Variants in ZDHHC17 observed in about 807,000 individuals in gnomAD.
The protein encoded by ZDHHC17 is zDHHC palmitoyltransferase 17, also known as palmitoyltransferase ZDHHC17.
Under a neutral mutation model 90.3 loss-of-function variants are expected in ZDHHC17, and 40 were observed. That is an observed-to-expected ratio of 0.44 (90% CI 0.34 to 0.58). ZDHHC17 has a LOEUF of 0.58. Among genes scored for constraint, ZDHHC17 ranks in the 20% least tolerant of loss-of-function variants. ZDHHC17 has a pLI of 0.01. For missense variants in ZDHHC17, 614 were observed against 780.8 expected, an observed-to-expected ratio of 0.79 and a Z score of 2.55; for synonymous variants, 235 against 252.4, an observed-to-expected ratio of 0.93 and a Z score of 0.65.
chr12:76,773,356 T>C (rs923299410), intron 1 of ZDHHC17, among the ~76,000 whole-genome samples: 2 of 152,226 alleles, frequency 1.3e-5, no homozygotes, highest in Non-Finnish European at 2.9e-5. Flanking sequence ...CCTTTTGGAT[T>C]GGCTTCTTTG....
intron 12 of ZDHHC17, chr12:76,844,523 G>A (rs181000349): frequency 6.6e-6 from 1 of 152,236 alleles, no homozygotes; most frequent in Admixed American, 6.5e-5. Context: ...AAGGAACCTT[G>A]AGACCAAGTC....
intron 7 of ZDHHC17, among the ~76,000 whole-genome samples, chr12:76,816,569 A>G (rs1953089862): frequency 6.6e-6 from 1 of 151,994 alleles, no homozygotes; most frequent in South Asian, 2.1e-4. Flanking sequence ...GCTATAATTT[A>G]TAGTATTTTC....
intron 1 of ZDHHC17, among the ~76,000 whole-genome samples, chr12:76,787,963 C>T (rs1375185364): frequency 6.6e-6 from 1 of 152,166 alleles, no homozygotes; most frequent in Non-Finnish European, 1.5e-5. Flanking sequence ...GTACTACCAA[C>T]TACTCAGGAG....
At chr12:76,830,356 A>T (rs1953285047) in intron 10 of ZDHHC17, among the ~76,000 whole-genome samples, 1 of 152,110 alleles carries the variant, frequency 6.6e-6, no homozygotes, top group Non-Finnish European at 1.5e-5. Flanking sequence ...TATTTTTGAG[A>T]CCTAAGGCAC....
chr12:76,837,410 C>G lies in ZDHHC17; in HGVS notation c.1142-4572C>G, dbSNP rs1292209456. On this transcript the variant is annotated intron_variant, in intron 10 of 16. Coordinates refer to ENST00000426126, the MANE Select transcript of ZDHHC17 (RefSeq NM_015336.4). ...CTCAGGAGGTTGAGGCAGTAGGACC[C>G]TTTGAGCCTAGGAGTTCAAGACTGC... Among the ~76,000 whole-genome samples the G allele has an allele frequency of 2.6e-5, 4 of 152,246 alleles. No individual in the cohort carries two copies. In the South Asian group the frequency reaches 8.3e-4, roughly 32 times the overall value.
chr12:76,809,567 T>C (rs923699707), intron 4 of ZDHHC17, 146 bp from the exon 5 acceptor site: 3 of 591,704 alleles, frequency 5.1e-6, no homozygotes, highest in East Asian at 3.4e-5. Flanking sequence ...AAATCCTAAA[T>C]GTATTTTGAC....
intron 2 of ZDHHC17, among the ~76,000 whole-genome samples, chr12:76,799,209 G>A (rs1952858544): frequency 6.6e-6 from 1 of 152,132 alleles, no homozygotes; most frequent in Non-Finnish European, 1.5e-5. Flanking sequence ...TATTTCCTTA[G>A]GATGTGTATT....
intron 8 of ZDHHC17, among the ~76,000 whole-genome samples, chr12:76,825,739 TGTGTA>T (rs1953222902): frequency 6.6e-6 from 1 of 152,120 alleles, no homozygotes; most frequent in Admixed American, 6.5e-5. Flanking sequence ...GTGCTAAAAA[TGTGTA>T]ATATAACCTT....
intron 2 of ZDHHC17, among the ~76,000 whole-genome samples, chr12:76,800,760 T>C (rs540885017): frequency 6.6e-6 from 1 of 152,288 alleles, no homozygotes; most frequent in Admixed American, 6.5e-5. Flanking sequence ...CTGTTGTAGA[T>C]AGCGTATAGT....
intron 9 of ZDHHC17, among the ~76,000 whole-genome samples, chr12:76,828,053 A>C (rs1416096946): frequency 1.3e-5 from 2 of 152,148 alleles, no homozygotes; most frequent in Non-Finnish European, 2.9e-5. Context: ...ATTTTGACAC[A>C]TCTTTGGTGA....
chr12:76,822,674 C>G (rs1592488285), intron 8 of ZDHHC17, 143 bp downstream of exon 8: 1 of 659,906 alleles, frequency 1.5e-6, no homozygotes, highest in African/African-American at 1.9e-5. Flanking sequence ...TGTGCCTCAG[C>G]CTCCTGAGTA....
intron 10 of ZDHHC17, among the ~76,000 whole-genome samples, chr12:76,837,236 G>T (rs1049335818): frequency 3.3e-5 from 5 of 152,260 alleles, no homozygotes; most frequent in South Asian, 4.1e-4. Flanking sequence ...CCCAGGTTCA[G>T]GTGGCTCTTG....
chr12:76,828,564 C>T, intron 10 of ZDHHC17, 74 bp downstream of exon 10: 2 of 1,302,696 alleles, frequency 1.5e-6, no homozygotes, highest in South Asian at 2.5e-5. Context: ...AATAATTTGA[C>T]ATTAGGACTG....
intron 5 of ZDHHC17, among the ~76,000 whole-genome samples, 181 bp from the exon 6 acceptor site, chr12:76,814,965 C>T (rs1953066232): frequency 1.3e-5 from 2 of 151,836 alleles, no homozygotes; most frequent in African/African-American, 4.8e-5. Context: ...TATATGTTCA[C>T]TAGAGTATAT....
At chr12:76,775,562 C>A (rs1421639023) in intron 1 of ZDHHC17, among the ~76,000 whole-genome samples, 1 of 151,944 alleles carries the variant, frequency 6.6e-6, no homozygotes, top group African/African-American at 2.4e-5. Flanking sequence ...TGTAAATAAT[C>A]CTTCAATTAG....
intron 7 of ZDHHC17, among the ~76,000 whole-genome samples, chr12:76,818,332 T>G (rs1039911640): frequency 6.6e-6 from 1 of 152,220 alleles, no homozygotes; most frequent in African/African-American, 2.4e-5. Context: ...CATACTTAAG[T>G]CTTATCACCT....
At position 76,795,478 on chromosome 12, in the gene ZDHHC17, C is replaced by A. The variant is rs577677392; in HGVS notation, c.94-1956C>A. 6.4e-4 allele frequency among the ~76,000 whole-genome samples: 97 copies of A among 152,026 alleles called. 1 individual carries two copies. In the South Asian group the frequency reaches 0.016, roughly 25 times the overall value. On this transcript the variant is annotated intron_variant, in intron 1 of 16. Coordinates refer to ENST00000426126, the MANE Select transcript of ZDHHC17 (RefSeq NM_015336.4). ...TGAAAGATGTGATCAAGTTTTTATT[C>A]TTTTTCAGGTATCTTACAGCCATAT...
At position 76,815,900 on chromosome 12, in the gene ZDHHC17, A is replaced by T; in HGVS notation, c.652A>T (p.Asn218Tyr). ...GCTTTTAACATTCAATGTTTCAGTT[A>T]ACCTTGGTGACAAGTATCACAAAAA... Reference protein sequence around the residue: ...RLLLTFNVSVNLGDKYHKNTA... With the variant: ...RLLLTFNVSVYLGDKYHKNTA... The change falls in exon 7 of 17, where the codon AAC (asparagine) becomes TAC (tyrosine). Residue 218 changes from asparagine (N) to tyrosine (Y), a missense_variant. Physicochemically the swap from Asn to Tyr is moderately radical, Grantham distance 143 (BLOSUM62 -2). Transcript: ENST00000426126. 6.4e-7 allele frequency: 1 copy of T among 1,574,272 alleles called. No homozygotes were observed. Among genetic ancestry groups the T allele is most frequent in the Non-Finnish European group, 8.6e-7 (1 of 1,158,954 alleles).
chr12:76,781,614 G>A (rs1158673339), intron 1 of ZDHHC17: 1 of 455,848 alleles, frequency 2.2e-6, no homozygotes, highest in Non-Finnish European at 4.4e-6. Flanking sequence ...TTCTACCATG[G>A]GATGATGCAG....
Sources: allele counts gnomAD v4.1 joint callset (sites outside exome capture counted in the v4.1 genomes callset), GRCh38; gene constraint gnomAD v4.1.1; transcripts MANE v1.5; gene names NCBI Gene and HGNC (gene_info 2026-07-23, HGNC 2026-07-21).